The following DUS2 variants were observed in gnomAD, a reference collection of about 807,000 sequenced individuals.
DUS2 encodes dihydrouridine synthase 2.
In DUS2, 52 loss-of-function variants were observed where a neutral mutation model predicts 71.3. The observed-to-expected ratio is 0.73, with a 90% CI of 0.58 to 0.92. The LOEUF is 0.92. Among genes scored for constraint, DUS2 ranks in the 40% least tolerant of loss-of-function variants. The pLI is 0.00. For missense variants in DUS2, 558 were observed against 622.6 expected (o/e 0.90, Z 1.10); for synonymous variants, 204 against 227.8 (o/e 0.90, Z 0.94).
intron 3 of DUS2, 121 bp downstream of exon 3, chr16:68,038,270 C>A: frequency 1.5e-6 from 2 of 1,379,238 alleles, no homozygotes; most frequent in Non-Finnish European, 1.9e-6. Flanking sequence ...AGGTGTTCAC[C>A]AAAGGCTGGA....
intron 6 of DUS2, among the ~76,000 whole-genome samples, chr16:68,055,395 A>G (rs1598310211): frequency 6.6e-6 from 1 of 152,198 alleles, no homozygotes; most frequent in East Asian, 1.9e-4. Context: ...TCGAGGCTGC[A>G]GTGAGCCTCC....
chr16:68,042,636 A>T (rs1598304029), intron 3 of DUS2, among the ~76,000 whole-genome samples: 2 of 152,178 alleles, frequency 1.3e-5, no homozygotes, highest in East Asian at 3.9e-4. Flanking sequence ...CAGCCTCCTG[A>T]GTAGCTGGGA....
At chr16:68,068,293 A>T (rs541989081) in intron 10 of DUS2, among the ~76,000 whole-genome samples, 1 of 152,306 alleles carries the variant, frequency 6.6e-6, no homozygotes, top group Non-Finnish European at 1.5e-5. Context: ...CATACAAAGC[A>T]GAGCAAAGCA....
At chr16:68,040,726 G>C (rs2033612841) in intron 3 of DUS2, among the ~76,000 whole-genome samples, 2 of 151,944 alleles carry the variant, frequency 1.3e-5, no homozygotes, top group Admixed American at 6.6e-5. Flanking sequence ...CTGGGCCCCC[G>C]GGCATGGCTG....
chr16:68,061,034 T>C, intron 7 of DUS2, 32 bp from the exon 8 acceptor site: 1 of 1,610,226 alleles, frequency 6.2e-7, no homozygotes, highest in Non-Finnish European at 8.5e-7. Context: ...GTCTCCCAGA[T>C]GTAAGAAGAC....
chr16:68,040,738 G>T (rs1041304474), intron 3 of DUS2, among the ~76,000 whole-genome samples: 3 of 151,940 alleles, frequency 2.0e-5, no homozygotes, highest in African/African-American at 7.3e-5. Flanking sequence ...GCATGGCTGA[G>T]TGTGGTGTCA....
chr16:68,048,392 C>A (rs551078959), intron 3 of DUS2, among the ~76,000 whole-genome samples: 1 of 152,180 alleles, frequency 6.6e-6, no homozygotes, highest in Admixed American at 6.5e-5. Flanking sequence ...GGATCACTGG[C>A]TACTGGGGCT....
At chr16:68,076,746 G>T in intron 15 of DUS2, 27 bp downstream of exon 15, 2 of 1,584,482 alleles carry the variant, frequency 1.3e-6, no homozygotes, top group Middle Eastern at 1.7e-4. Context: ...GGCCTGCCCT[G>T]CAGCCAGTCA....
At chr16:68,047,457 TTTGTTG>T (rs567806198) in intron 3 of DUS2, among the ~76,000 whole-genome samples, 136 of 151,848 alleles carry the variant, frequency 9.0e-4, no homozygotes, top group Middle Eastern at 6.8e-3. Context: ...TAACAAAGTT[TTTGTTG>T]TTGTTGTTGT....
At chr16:68,052,070 T>G (rs2033786231) in intron 4 of DUS2, among the ~76,000 whole-genome samples, 1 of 151,892 alleles carries the variant, frequency 6.6e-6, no homozygotes, top group South Asian at 2.1e-4. Flanking sequence ...AGCTAATTTT[T>G]TTTTTTGTAT....
intron 8 of DUS2, among the ~76,000 whole-genome samples, chr16:68,062,023 T>G (rs1303351498): frequency 6.6e-6 from 1 of 152,188 alleles, no homozygotes; most frequent in Non-Finnish European, 1.5e-5. Context: ...TGCCTTTCTT[T>G]TTTTTGAGAC....
chr16:68,059,601 G>A (rs562237738), intron 7 of DUS2, among the ~76,000 whole-genome samples: 1 of 152,300 alleles, frequency 6.6e-6, no homozygotes, highest in South Asian at 2.1e-4. Context: ...CAGCCTGGCC[G>A]AGTCTGTGGT....
intron 15 of DUS2, 124 bp downstream of exon 15, chr16:68,076,843 T>C (rs2034165006): frequency 8.5e-6 from 6 of 703,598 alleles, no homozygotes; most frequent in Non-Finnish European, 1.1e-5. Context: ...AAGCTGCTGG[T>C]GGCCAGGTCA....
At chr16:68,059,830 T>A (rs915127950) in intron 7 of DUS2, among the ~76,000 whole-genome samples, 6 of 152,152 alleles carry the variant, frequency 3.9e-5, no homozygotes, top group African/African-American at 1.4e-4. Flanking sequence ...TTAAAGTAAT[T>A]AATACCATTG....
intron 3 of DUS2, among the ~76,000 whole-genome samples, chr16:68,045,823 G>A (rs1808624912): frequency 6.6e-6 from 1 of 151,224 alleles, no homozygotes; most frequent in Non-Finnish European, 1.5e-5. Context: ...TGCCTCCCAT[G>A]TTCAAGTGAT....
intron 3 of DUS2, among the ~76,000 whole-genome samples, chr16:68,045,247 T>A (rs12930253): frequency 2.0e-5 from 3 of 152,084 alleles, no homozygotes; most frequent in African/African-American, 7.2e-5. Context: ...TCTCTTTCTG[T>A]CTCTCTCTGT....
intron 1 of DUS2, among the ~76,000 whole-genome samples, chr16:68,024,287 CAG>C (rs1266583751): frequency 3.9e-5 from 6 of 151,970 alleles, no homozygotes; most frequent in Non-Finnish European, 8.8e-5. Flanking sequence ...TTAGTAGAGA[CAG>C]GGTTTCACTA....
Position 68,049,548 on chromosome 16 carries a change from A to G in DUS2, c.170A>G (p.Asn57Ser), listed in dbSNP as rs887881639. ...LKMIQCKRVV[N>S]EVLSTVDFVA... is the part of the protein sequence containing the mutation. ...ATGATTCAGTGCAAGAGAGTTGTTA[A>G]TGGTGAGTACAGATCTGGCTCCAGA... Residue 57 changes from asparagine (N) to serine (S), a missense_variant and splice_region_variant, in exon 4 of 17, where the codon AAT becomes AGT. Physicochemically the swap from Asn to Ser is conservative, Grantham distance 46. Coordinates refer to ENST00000565263, the MANE Select transcript of DUS2 (RefSeq NM_017803.5). 25 of 1,614,040 alleles carry G rather than the reference A, an allele frequency of 1.5e-5. No homozygotes were observed. Among genetic ancestry groups the G allele is most frequent in the Non-Finnish European group, 2.0e-5 (24 of 1,179,998 alleles).
chr16:68,035,654 G>A (rs999807302), intron 2 of DUS2, among the ~76,000 whole-genome samples: 1 of 149,174 alleles, frequency 6.7e-6, no homozygotes, highest in African/African-American at 2.5e-5. Flanking sequence ...CTCCCAAAGT[G>A]CTGGGATTAT....
Sources: gnomAD v4.1 joint callset for allele counts (sites outside exome capture counted in the v4.1 genomes callset) on GRCh38, gnomAD v4.1.1 for gene constraint, MANE v1.5 for transcripts, NCBI Gene and HGNC (gene_info 2026-07-23, HGNC 2026-07-21) for gene names.